GK5: variants seen among roughly 807,000 people sequenced by gnomAD.
GK5 encodes glycerol kinase 5, also known as ATP:glycerol 3-phosphotransferase 5.
A neutral mutation model predicts 77.3 loss-of-function variants in GK5; 39 were observed. The ratio of observed to expected loss-of-function variants is 0.50; its 90% confidence interval spans 0.39 to 0.66. The LOEUF is 0.66. GK5 is among the 30% of genes least tolerant of loss of function. GK5 has a pLI of 0.00. For synonymous variants in GK5, 211 were observed against 208.0 expected, an observed-to-expected ratio of 1.01 and a Z score of -0.13; for missense variants, 487 against 633.8, an observed-to-expected ratio of 0.77 and a Z score of 2.49.
In GK5 at chr3:142,159,846, TCTC is replaced by T. The variant is rs1329951463; in HGVS notation, c.*5773_*5775del. On this transcript the variant is annotated 3_prime_UTR_variant, in exon 16 of 16. Coordinates refer to ENST00000392993, the MANE Select transcript of GK5 (RefSeq NM_001039547.3). ...TTGGGGCTTTCTCTCTCTCTCTCTC[TCTC>T]TCTCTTTTTTTTTTTTGAGACAGAG... 2 of 127,594 alleles carry T rather than the reference TCTC, an allele frequency of 1.6e-5. No homozygotes were observed. Among genetic ancestry groups the T allele is most frequent in the African/African-American group, 5.7e-5 (2 of 34,878 alleles). The allele number at this position is 127,594 out of a possible 1,614,324, so 7.9% of individuals were successfully genotyped here. A position where few individuals can be genotyped will look rare whatever the true frequency, so the allele number is the denominator to read the frequency against.
In GK5 at chr3:142,165,540, T is replaced by A; in HGVS notation, c.*82A>T. On this transcript the variant is annotated 3_prime_UTR_variant, in exon 16 of 16. Transcript: ENST00000392993. ...TAAAATTTTCTCCTCTTAGTCATTG[T>A]CATATGGGTTATCCCTGAGCTTCAT... 1 of 1,002,218 alleles carries A rather than the reference T, an allele frequency of 1.0e-6. No individual in the cohort carries two copies. Among genetic ancestry groups the A allele is most frequent in the Non-Finnish European group, 1.4e-6 (1 of 712,230 alleles). 62.1% of individuals were successfully genotyped at this position (1,002,218 alleles called of 1,614,324 possible).
intron 5 of GK5, among the ~76,000 whole-genome samples, chr3:142,194,394 C>T (rs114421863): frequency 0.027 from 4,078 of 152,086 alleles, 189 homozygotes; most frequent in African/African-American, 0.093. Flanking sequence ...GGCGTTGTGG[C>T]GCACGCCTGT....
At chr3:142,193,743 CT>C (rs2063888726) in intron 5 of GK5, among the ~76,000 whole-genome samples, 1 of 151,918 alleles carries the variant, frequency 6.6e-6, no homozygotes, top group Non-Finnish European at 1.5e-5. Context: ...TGTTTTCTTT[CT>C]TTTTTGTGTG....
intron 3 of GK5, among the ~76,000 whole-genome samples, chr3:142,211,720 C>A (rs948254640): frequency 1.3e-5 from 2 of 152,084 alleles, no homozygotes; most frequent in African/African-American, 4.8e-5. Flanking sequence ...CTTGAGCCCA[C>A]GAGTTCGAGG....
intron 4 of GK5, among the ~76,000 whole-genome samples, chr3:142,200,116 C>T (rs766026419): frequency 2.0e-5 from 3 of 152,028 alleles, no homozygotes; most frequent in South Asian, 4.1e-4. Flanking sequence ...CACACACACA[C>T]ACACAAACAC....
chr3:142,206,347 C>T (rs959539612), intron 3 of GK5, among the ~76,000 whole-genome samples: 3 of 152,170 alleles, frequency 2.0e-5, no homozygotes, highest in Non-Finnish European at 4.4e-5. Context: ...AACTGTTTTC[C>T]GCAGTCGTTG....
rs11393867 is a variant in GK5 at position 142,209,951 on chromosome 3, A to ATT, written c.317+3573_317+3574dup. Among the ~76,000 whole-genome samples, 599 of 148,986 alleles carry ATT rather than the reference A, an allele frequency of 4.0e-3. 3 individuals carry two copies. The highest frequency in any genetic ancestry group is 7.5e-3 in the African/African-American group (306 of 40,668). On this transcript the variant is annotated intron_variant, in intron 3 of 15. Transcript: ENST00000392993. ...GACTAAAGAAACAAAACAGCTCGTG[A>ATT]TTTTTTTTTTTTAGAACAAAAGGAA...
chr3:142,180,929 A>C (rs1036553708), intron 11 of GK5, among the ~76,000 whole-genome samples: 4 of 152,174 alleles, frequency 2.6e-5, no homozygotes, highest in Non-Finnish European at 4.4e-5. Flanking sequence ...TTTGAGAACT[A>C]ATCTCCAGGC....
chr3:142,188,302 C>T (rs980291466), intron 5 of GK5, among the ~76,000 whole-genome samples: 5 of 151,978 alleles, frequency 3.3e-5, no homozygotes, highest in Non-Finnish European at 5.9e-5. Context: ...GAGGCCGAGG[C>T]GGGCGGATCA....
intron 2 of GK5, among the ~76,000 whole-genome samples, chr3:142,214,122 C>T (rs1292758236): frequency 6.6e-6 from 1 of 152,118 alleles, no homozygotes; most frequent in Non-Finnish European, 1.5e-5. Context: ...CTGTGCCCGG[C>T]CTTAAAGGTT....
Position 142,215,670 on chromosome 3 carries a change from A to C in GK5, c.170T>G (p.Ile57Ser), listed in dbSNP as rs1019668862. ...VQKVENLYPQ[I>S]GWVEIDPDVL... is the part of the protein sequence containing the mutation. ...ATCAGGATCAATTTCTACCCAGCCA[A>C]TTTGAGGATAAAGATTTTCTACCTA... is the stretch of plus-strand genomic sequence containing the variant. Residue 57 changes from isoleucine (I) to serine (S), a missense_variant, in exon 2 of 16, where the codon ATT becomes AGT. Ile to Ser is a moderately radical substitution (Grantham distance 142, BLOSUM62 -2). Around this residue, in one of 4 missense-constraint regions of GK5, gnomAD observed 97 missense variants for 86.9 expected, o/e 1.12. Transcript: ENST00000392993. 2.1e-5 allele frequency: 34 copies of C among 1,587,324 alleles called. No individual in the cohort carries two copies. The highest frequency in any genetic ancestry group is 2.9e-5 in the Non-Finnish European group (34 of 1,158,406).
rs762700250 is a variant in GK5 at position 142,186,282 on chromosome 3, G to GTA, written c.682-17_682-16dup. 1.3e-6 allele frequency: 2 copies of GTA among 1,543,318 alleles called. No homozygotes were observed. Among genetic ancestry groups the GTA allele is most frequent in the South Asian group, 2.2e-5 (2 of 89,092 alleles). On this transcript the variant is annotated splice_polypyrimidine_tract_variant and intron_variant, in intron 7 of 15. Coordinates refer to ENST00000392993, the MANE Select transcript of GK5 (RefSeq NM_001039547.3). ...CTCCAACACATCTGAGCATAAAAACGTATCATCAGAATATACATATTTACA... is the reference window on the plus strand; with the variant it reads ...CTCCAACACATCTGAGCATAAAAACGTATATCATCAGAATATACATATTTACA...
chr3:142,222,807 T>C (rs2064371382), intron 1 of GK5, among the ~76,000 whole-genome samples: 1 of 152,128 alleles, frequency 6.6e-6, no homozygotes, highest in African/African-American at 2.4e-5. Flanking sequence ...AAAAAAGGCA[T>C]ACAAAATAAA....
At chr3:142,178,252 T>A (rs1452963460) in intron 11 of GK5, among the ~76,000 whole-genome samples, 1 of 152,156 alleles carries the variant, frequency 6.6e-6, no homozygotes, top group Non-Finnish European at 1.5e-5. Flanking sequence ...ATAAGAGCCA[T>A]CCTAGGTTTC....
chr3:142,178,320 C>G (rs186245381), intron 11 of GK5, among the ~76,000 whole-genome samples: 1 of 152,126 alleles, frequency 6.6e-6, no homozygotes, highest in Admixed American at 6.5e-5. Flanking sequence ...TGAAATACTC[C>G]ATCTAATAAG....
chr3:142,192,774 A>AG (rs2063871088), intron 5 of GK5, among the ~76,000 whole-genome samples: 1 of 152,076 alleles, frequency 6.6e-6, no homozygotes, highest in Admixed American at 6.5e-5. Flanking sequence ...AAAAAAAAAA[A>AG]AAAAAATGTG....
intron 5 of GK5, among the ~76,000 whole-genome samples, chr3:142,191,804 G>A (rs745638678): frequency 6.6e-6 from 1 of 152,132 alleles, no homozygotes; most frequent in Non-Finnish European, 1.5e-5. Context: ...CTGGGTGACA[G>A]AGTGAGACTC....
intron 3 of GK5, among the ~76,000 whole-genome samples, chr3:142,213,232 G>T (rs1218702955): frequency 3.9e-5 from 6 of 152,080 alleles, no homozygotes; most frequent in African/African-American, 7.2e-5. Context: ...CTCTTTTTAG[G>T]TATAATTTTT....
chr3:142,165,921 G>T, intron 15 of GK5, 151 bp from the exon 16 acceptor site: 1 of 550,350 alleles, frequency 1.8e-6, no homozygotes, highest in South Asian at 2.8e-5. Flanking sequence ...AATTTTGTTA[G>T]ATCGATCATT....
Sources: allele counts gnomAD v4.1 joint callset (sites outside exome capture counted in the v4.1 genomes callset), GRCh38; gene constraint gnomAD v4.1.1; regional missense constraint gnomAD v4.1.1; transcripts MANE v1.5; gene names NCBI Gene and HGNC (gene_info 2026-07-23, HGNC 2026-07-21).